Variants in XNDC1N observed in about 807,000 individuals in gnomAD.
The protein encoded by XNDC1N is XRCC1 N-terminal domain containing 1, N-terminal like.
the XNDC1N span, among the ~76,000 whole-genome samples, chr11:71,908,024 G>A: frequency 6.6e-6 from 1 of 151,952 alleles, no homozygotes; most frequent in South Asian, 2.1e-4. Context: ...CAATGTCACT[G>A]GCTGGTTGTA....
the XNDC1N span, among the ~76,000 whole-genome samples, chr11:71,924,248 G>A: frequency 7.9e-5 from 12 of 152,114 alleles, no homozygotes; most frequent in South Asian, 4.1e-4. Flanking sequence ...GTGTGGTGGC[G>A]TGTGCCTGTG....
At chr11:71,884,986 C>T in the XNDC1N span, among the ~76,000 whole-genome samples, 2 of 151,154 alleles carry the variant, frequency 1.3e-5, no homozygotes, top group South Asian at 2.1e-4. Context: ...GCCAGCCCCT[C>T]TTGCCCCCCT....
chr11:71,912,144 A>G, the XNDC1N span, among the ~76,000 whole-genome samples: 1 of 152,318 alleles, frequency 6.6e-6, no homozygotes, highest in Admixed American at 6.5e-5. Context: ...ACGGTGAGGC[A>G]GCGGTGTGTT....
chr11:71,910,984 C>T, the XNDC1N span, among the ~76,000 whole-genome samples: 4,896 of 152,334 alleles, frequency 0.032, 76 homozygotes, highest in East Asian at 0.076. Flanking sequence ...CCTATTCCAT[C>T]GTATGTAACA....
chr11:71,907,925 A>C, the XNDC1N span, among the ~76,000 whole-genome samples: 8 of 152,060 alleles, frequency 5.3e-5, no homozygotes, highest in African/African-American at 1.9e-4. Flanking sequence ...TCTTCTGTGA[A>C]TATTAGGAGC....
chr11:71,922,008 A>C, the XNDC1N span, among the ~76,000 whole-genome samples: 1 of 151,986 alleles, frequency 6.6e-6, no homozygotes, highest in Non-Finnish European at 1.5e-5. Flanking sequence ...AAAAATACAA[A>C]AATTAGCTGG....
At chr11:71,892,531 G>T in the XNDC1N span, among the ~76,000 whole-genome samples, 4 of 152,162 alleles carry the variant, frequency 2.6e-5, no homozygotes, top group South Asian at 6.2e-4. Flanking sequence ...ATATCACAGG[G>T]TGTACGCCCA....
At chr11:71,919,117 C>G in the XNDC1N span, 1 of 667,266 alleles carries the variant, frequency 1.5e-6, no homozygotes, top group East Asian at 2.7e-5. Flanking sequence ...AACCCCAAAC[C>G]TTCCCAGTCA....
At chr11:71,922,458 C>T in the XNDC1N span, among the ~76,000 whole-genome samples, 8 of 152,136 alleles carry the variant, frequency 5.3e-5, no homozygotes, top group East Asian at 1.5e-3. Flanking sequence ...CACATGCTAT[C>T]ACACAGGGCT....
the XNDC1N span, chr11:71,884,373 A>G: frequency 2.0e-6 from 3 of 1,538,066 alleles, no homozygotes; most frequent in Non-Finnish European, 1.8e-6. Context: ...AGTAAGTAAT[A>G]TTGTGTCATA....
the XNDC1N span, among the ~76,000 whole-genome samples, chr11:71,877,422 G>A: frequency 6.6e-6 from 1 of 152,244 alleles, no homozygotes. Flanking sequence ...TGGATCACTT[G>A]AGGCCAGGAG....
At chr11:71,926,576 AAGT>A in the XNDC1N span, among the ~76,000 whole-genome samples, 3 of 152,174 alleles carry the variant, frequency 2.0e-5, no homozygotes, top group Admixed American at 6.5e-5. Flanking sequence ...AGAAAAATAA[AAGT>A]AGATCCCTAC....
chr11:71,927,439 T>TG, the XNDC1N span: 1 of 152,044 alleles, frequency 6.6e-6, no homozygotes, highest in Admixed American at 6.6e-5. Context: ...GAGAATCGTT[T>TG]GAACCCAGTA....
At chr11:71,902,266 A>G in the XNDC1N span, among the ~76,000 whole-genome samples, 2 of 152,160 alleles carry the variant, frequency 1.3e-5, no homozygotes. Flanking sequence ...ATTTCAGCTC[A>G]CTGTAGTCTC....
the XNDC1N span, chr11:71,904,119 C>T: frequency 2.0e-6 from 1 of 500,526 alleles, no homozygotes; most frequent in South Asian, 1.4e-5. Context: ...GCAGCGCAGT[C>T]TAATCTCAAT....
chr11:71,867,203 T>C, the XNDC1N span, among the ~76,000 whole-genome samples: 1 of 151,890 alleles, frequency 6.6e-6, no homozygotes, highest in Non-Finnish European at 1.5e-5. Context: ...ACCCAACTAC[T>C]TGAAAAAAAG....
chr11:71,919,919 A>G, the XNDC1N span, among the ~76,000 whole-genome samples: 4 of 132,672 alleles, frequency 3.0e-5, no homozygotes, highest in Admixed American at 2.4e-4. Flanking sequence ...GCCCAGCCAA[A>G]AGCAGGCCTC....
At chr11:71,925,100 G>C in the XNDC1N span, among the ~76,000 whole-genome samples, 7 of 151,728 alleles carry the variant, frequency 4.6e-5, no homozygotes, top group Non-Finnish European at 8.8e-5. Flanking sequence ...CATCTTTGGT[G>C]CTCAAATGTC....
chr11:71,904,787 G>A, the XNDC1N span, among the ~76,000 whole-genome samples: 4 of 151,962 alleles, frequency 2.6e-5, no homozygotes, highest in African/African-American at 9.7e-5. Context: ...TATCACAGCA[G>A]GTGTACATAT....
Sources: gnomAD v4.1 joint callset for allele counts (sites outside exome capture counted in the v4.1 genomes callset) on GRCh38, gnomAD v4.1.1 for gene constraint, MANE v1.5 for transcripts, NCBI Gene and HGNC (gene_info 2026-07-23, HGNC 2026-07-21) for gene names.